The following IKZF3 variants were observed in gnomAD, a reference collection of about 807,000 sequenced individuals.
IKZF3 encodes the protein zinc finger protein Aiolos.
A neutral mutation model predicts 49.0 loss-of-function variants in IKZF3; 10 were observed. That is an observed-to-expected ratio of 0.20 (90% CI 0.13 to 0.35). The LOEUF (loss-of-function observed/expected upper bound fraction) is 0.35, where lower values mean the gene tolerates loss of function less well. Among genes scored for constraint, IKZF3 ranks in the 10% least tolerant of loss-of-function variants. The pLI is 1.00. For missense variants in IKZF3, 498 were observed against 664.8 expected (o/e 0.75, Z 2.76); for synonymous variants, 209 against 228.2 (o/e 0.92, Z 0.76).
chr17:39,797,719 G>T (rs544922266), intron 3 of IKZF3, among the ~76,000 whole-genome samples: 47 of 152,066 alleles, frequency 3.1e-4, no homozygotes, highest in African/African-American at 1.1e-3. Flanking sequence ...CACCGTGCCC[G>T]GCCCCTGCAC....
intron 7 of IKZF3, among the ~76,000 whole-genome samples, chr17:39,771,384 T>C (rs147941045): frequency 3.1e-4 from 47 of 152,330 alleles, no homozygotes; most frequent in Non-Finnish European, 5.7e-4. Flanking sequence ...CTTAGCACCA[T>C]GGTTAGGTGA....
chr17:39,839,281 G>C (rs145381687), intron 1 of IKZF3: 76 of 423,832 alleles, frequency 1.8e-4, no homozygotes, highest in Non-Finnish European at 2.5e-4. Flanking sequence ...CAACTCTCCA[G>C]ACAGTGGTGA....
chr17:39,864,023 A>G, intron 1 of IKZF3, 97 bp downstream of exon 1: 1 of 1,514,134 alleles, frequency 6.6e-7, no homozygotes, highest in Admixed American at 1.7e-5. Context: ...AGAAGTAAAT[A>G]GAAGCAAAAC....
chr17:39,837,240 C>T (rs753761774), intron 1 of IKZF3, among the ~76,000 whole-genome samples: 63 of 151,942 alleles, frequency 4.1e-4, no homozygotes, highest in Admixed American at 3.3e-4. Flanking sequence ...TGGCCTGGTG[C>T]TTTTCATTTT....
rs1420861123 is a variant in IKZF3 at position 39,832,118 on chromosome 17, T to C, written c.41A>G (p.Gln14Arg). Residue 14 changes from glutamine to arginine, a missense_variant, in exon 2 of 8, where the codon CAG (glutamine) becomes CGG (arginine). This residue lies in a region of IKZF3 where 97 missense variants were observed against 98.9 expected (regional missense o/e 0.98). Transcript: ENST00000346872. ...GTTACCTGCGGGCACAGACTGCTCC[T>C]GAGTGCTTTTCAGTTCCGCATTTGT... The part of the protein sequence containing the change: ...IQTNAELKST[Q>R]EQSVPAESAA... 1 of 1,613,060 alleles carries C rather than the reference T, an allele frequency of 6.2e-7. No individual in the cohort carries two copies. The highest frequency in any genetic ancestry group is 1.1e-5 in the South Asian group (1 of 91,000).
intron 1 of IKZF3, among the ~76,000 whole-genome samples, chr17:39,861,572 C>T (rs953142764): frequency 6.6e-6 from 1 of 152,176 alleles, no homozygotes; most frequent in African/African-American, 2.4e-5. Flanking sequence ...GCATTTCATC[C>T]TCCATACGCT....
chr17:39,810,908 C>G, intron 3 of IKZF3, among the ~76,000 whole-genome samples: 1 of 152,024 alleles, frequency 6.6e-6, no homozygotes. Context: ...GTACTTACAC[C>G]TTAGAGGTGG....
Position 39,763,809 on chromosome 17 carries a change from T to C in IKZF3, c.*1981A>G, listed in dbSNP as rs910531550. 6.6e-6 allele frequency: 1 copy of C among 152,172 alleles called. No homozygotes were observed. The highest frequency in any genetic ancestry group is 2.4e-5 in the African/African-American group (1 of 41,442). The allele number at this position is 152,172 out of a possible 1,614,324, so 9.4% of individuals were successfully genotyped here. A position where few individuals can be genotyped will look rare whatever the true frequency, so the allele number is the denominator to read the frequency against. ...GAGAACATTGAAATCTAATTCCTAT[T>C]TTATGGATGAGGAAACTGAGTTTTT... On this transcript the variant is annotated 3_prime_UTR_variant, in exon 8 of 8. Transcript: ENST00000346872.
rs532976878 is a variant in IKZF3, at chr17:39,758,476, G to C, written c.*7314C>G. ...TTTTCAAGAGAGGAAGAAGCAAAGC[G>C]GCACTTACAGAGTGTGAGATAGACA... On this transcript the variant is annotated 3_prime_UTR_variant, in exon 8 of 8. Coordinates refer to ENST00000346872, the MANE Select transcript of IKZF3 (RefSeq NM_012481.5). 2 of 152,156 alleles carry C rather than the reference G, an allele frequency of 1.3e-5. No individual in the cohort carries two copies. The highest frequency in any genetic ancestry group is 2.9e-5 in the Non-Finnish European group (2 of 68,032). The allele number at this position is 152,156 out of a possible 1,614,324, so 9.4% of individuals were successfully genotyped here. A position where few individuals can be genotyped will look rare whatever the true frequency, so the allele number is the denominator to read the frequency against.
At chr17:39,807,500 G>A (rs1262020278) in intron 3 of IKZF3, among the ~76,000 whole-genome samples, 2 of 143,118 alleles carry the variant, frequency 1.4e-5, no homozygotes, top group Non-Finnish European at 3.0e-5. Flanking sequence ...CTAGGCTCAA[G>A]CAATCCTCCC....
At position 39,761,380 on chromosome 17, in the gene IKZF3, T is replaced by C. The variant is rs2941521; in HGVS notation, c.*4410A>G. On this transcript the variant is annotated 3_prime_UTR_variant, in exon 8 of 8. Coordinates refer to ENST00000346872, the MANE Select transcript of IKZF3 (RefSeq NM_012481.5). ...GAGAGACACTTCTATTTAGTTTTCT[T>C]TCCGTAGGAAGTACCGATGCAACAC... The C allele has an allele frequency of 1, 151,655 of 151,880 alleles. 75,715 individuals are homozygous for C. The highest frequency in any genetic ancestry group is 1 in the Middle Eastern group (294 of 294). 9.4% of individuals were successfully genotyped at this position (151,880 alleles called of 1,614,324 possible).
intron 1 of IKZF3, among the ~76,000 whole-genome samples, chr17:39,843,367 TTCGA>T (rs1656142371): frequency 6.6e-6 from 1 of 152,088 alleles, no homozygotes; most frequent in Admixed American, 6.6e-5. Flanking sequence ...TTTCTGTAAG[TTCGA>T]TAGTGTTTTT....
intron 3 of IKZF3, among the ~76,000 whole-genome samples, chr17:39,814,056 T>C (rs2061623478): frequency 6.6e-6 from 1 of 152,086 alleles, no homozygotes; most frequent in African/African-American, 2.4e-5. Context: ...TTCAGAAGCA[T>C]CAAAGTAGTT....
At chr17:39,821,351 C>T (rs921185187) in intron 3 of IKZF3, among the ~76,000 whole-genome samples, 1 of 151,992 alleles carries the variant, frequency 6.6e-6, no homozygotes, top group Non-Finnish European at 1.5e-5. Flanking sequence ...GCTAGATCAG[C>T]CCAGGCTCAC....
chr17:39,766,572 A>T, intron 7 of IKZF3, 79 bp from the exon 8 acceptor site: 1 of 1,222,150 alleles, frequency 8.2e-7, no homozygotes, highest in Admixed American at 2.1e-5. Context: ...AGAGACCTCA[A>T]AAAGGGAGGA....
At chr17:39,834,639 G>A (rs1325733446) in intron 1 of IKZF3, among the ~76,000 whole-genome samples, 6 of 152,138 alleles carry the variant, frequency 3.9e-5, no homozygotes. Context: ...TATTAAGACT[G>A]GTGTTCTTGG....
intron 1 of IKZF3, among the ~76,000 whole-genome samples, chr17:39,851,475 G>A (rs1053287721): frequency 6.6e-6 from 1 of 152,024 alleles, no homozygotes; most frequent in African/African-American, 2.4e-5. Flanking sequence ...CATACTATTC[G>A]ATCATAAAAC....
At chr17:39,845,531 G>GAA (rs71355423) in intron 1 of IKZF3, among the ~76,000 whole-genome samples, 13 of 83,434 alleles carry the variant, frequency 1.6e-4, no homozygotes, top group Admixed American at 3.8e-4. Context: ...CTCCAAAAAA[G>GAA]AAAAAAAAAA....
At chr17:39,820,008 A>C (rs1598107579) in intron 3 of IKZF3, among the ~76,000 whole-genome samples, 1 of 152,144 alleles carries the variant, frequency 6.6e-6, no homozygotes, top group East Asian at 1.9e-4. Flanking sequence ...AAACTCATGT[A>C]TACACACATA....
Sources: gnomAD v4.1 joint callset for allele counts (sites outside exome capture counted in the v4.1 genomes callset) on GRCh38, gnomAD v4.1.1 for gene constraint, gnomAD v4.1.1 regional missense constraint, MANE v1.5 for transcripts, NCBI Gene and HGNC (gene_info 2026-07-23, HGNC 2026-07-21) for gene names.